The following ADCY7 variants were observed in gnomAD, a reference collection of about 807,000 sequenced individuals.
ADCY7 encodes the protein adenylate cyclase type 7.
Under a neutral mutation model 120.6 loss-of-function variants are expected in ADCY7, and 72 were observed. The observed-to-expected ratio is 0.60, with a 90% CI of 0.49 to 0.73. ADCY7 has a LOEUF of 0.73. Among genes scored for constraint, ADCY7 ranks in the 30% least tolerant of loss-of-function variants. The pLI is 0.00. For synonymous variants in ADCY7, 661 were observed against 628.0 expected (o/e 1.05, Z -0.78); for missense variants, 1,227 against 1,486.0 (o/e 0.83, Z 2.87).
chr16:50,308,303 C>T (rs566387873), intron 15 of ADCY7, 24 bp from the exon 16 acceptor site: 6 of 1,614,202 alleles, frequency 3.7e-6, no homozygotes, highest in South Asian at 2.2e-5. Context: ...CTAGGCAGAA[C>T]TGAGGTTCTT....
chr16:50,258,828 C>A (rs1434249567), intron 1 of ADCY7, among the ~76,000 whole-genome samples: 1 of 152,018 alleles, frequency 6.6e-6, no homozygotes, highest in African/African-American at 2.4e-5. Context: ...CTCAAGCGAT[C>A]CTCCTGATCT....
At chr16:50,249,344 G>A (rs1041822965) in intron 1 of ADCY7, among the ~76,000 whole-genome samples, 5 of 152,140 alleles carry the variant, frequency 3.3e-5, no homozygotes, top group African/African-American at 4.8e-5. Flanking sequence ...GGAGGCTGAG[G>A]CATGAGAATT....
chr16:50,275,139 G>A lies in ADCY7; in HGVS notation c.-269+8459G>A, dbSNP rs138979738. ...CTGAAAACTGCCTAGGGAGGGTGCT[G>A]TTGAGACCGTGAGCACCTGAGAGCC... On this transcript the variant is annotated intron_variant, in intron 1 of 25. Coordinates refer to ENST00000673801, the MANE Select transcript of ADCY7 (RefSeq NM_001114.5). Among the ~76,000 whole-genome samples the A allele has an allele frequency of 3.1e-3, 477 of 152,338 alleles. 1 individual carries two copies. The highest frequency in any genetic ancestry group is 0.011 in the African/African-American group (452 of 41,570).
At chr16:50,266,324 T>A (rs2033209224), upstream of ADCY7, among the ~76,000 whole-genome samples, 1 of 152,192 alleles carries the variant, frequency 6.6e-6, no homozygotes, top group Non-Finnish European at 1.5e-5. Context: ...TATTATTATT[T>A]TTTCAAAATT....
rs780661587 is a variant in ADCY7 at position 50,314,445 on chromosome 16, C to G, written c.2971+39C>G. ...ATGGAGCGGGGTGGGGAGCCCCTGCCTCTAGGCCAGTCCACCCAGTCTGTG... is the reference window on the plus strand; with the variant it reads ...ATGGAGCGGGGTGGGGAGCCCCTGCGTCTAGGCCAGTCCACCCAGTCTGTG... On this transcript the variant is annotated intron_variant, in intron 24 of 25. Transcript: ENST00000673801. 5.2e-6 allele frequency: 8 copies of G among 1,525,616 alleles called. No homozygotes were observed. In the East Asian group the frequency reaches 1.6e-4, roughly 30 times the overall value. 94.5% of individuals were successfully genotyped at this position (1,525,616 alleles called of 1,614,324 possible).
intron 8 of ADCY7, 126 bp downstream of exon 8, chr16:50,299,157 G>A (rs2035551161): frequency 7.6e-7 from 1 of 1,311,260 alleles, no homozygotes; most frequent in African/African-American, 1.5e-5. Context: ...GGGGGTGAAA[G>A]CAGCTTGCCT....
intron 1 of ADCY7, among the ~76,000 whole-genome samples, chr16:50,250,014 A>G (rs902249207): frequency 6.6e-6 from 1 of 152,182 alleles, no homozygotes; most frequent in African/African-American, 2.4e-5. Flanking sequence ...GTCCCAGCTC[A>G]ATGTTTGGTA....
At chr16:50,274,514 C>T (rs1567538665) in intron 1 of ADCY7, among the ~76,000 whole-genome samples, 2 of 152,216 alleles carry the variant, frequency 1.3e-5, no homozygotes, top group South Asian at 2.1e-4. Flanking sequence ...CGCGGTTTCA[C>T]GAGGCAGTCC....
At chr16:50,314,457 C>A (rs766343127) in intron 24 of ADCY7, 51 bp downstream of exon 24, 5 of 1,414,220 alleles carry the variant, frequency 3.5e-6, no homozygotes, top group South Asian at 1.2e-5. Flanking sequence ...CTAGGCCAGT[C>A]CACCCAGTCT....
At chr16:50,272,517 T>A (rs893569961) in intron 1 of ADCY7, among the ~76,000 whole-genome samples, 1 of 152,200 alleles carries the variant, frequency 6.6e-6, no homozygotes, top group Non-Finnish European at 1.5e-5. Context: ...ATGGGGAAAC[T>A]GAGGCCCTGG....
At chr16:50,245,324 C>T (rs1201798135), upstream of ADCY7, among the ~76,000 whole-genome samples, 1 of 152,186 alleles carries the variant, frequency 6.6e-6, no homozygotes, top group Non-Finnish European at 1.5e-5. Context: ...AGTGGGAACC[C>T]CCAATTCCTG....
chr16:50,249,398 C>T (rs139163678), intron 1 of ADCY7, among the ~76,000 whole-genome samples: 2 of 152,094 alleles, frequency 1.3e-5, no homozygotes, highest in Non-Finnish European at 2.9e-5. Context: ...CGAGTTAGCG[C>T]CACTGCACTC....
intron 4 of ADCY7, 24 bp downstream of exon 4, chr16:50,291,921 G>C (rs781348689): frequency 1.1e-5 from 17 of 1,583,718 alleles, no homozygotes; most frequent in Admixed American, 8.7e-5. Flanking sequence ...TAAGGCCTCT[G>C]GGGGAGGTTT....
chr16:50,256,335 C>G (rs746133106), intron 1 of ADCY7, among the ~76,000 whole-genome samples: 3 of 152,182 alleles, frequency 2.0e-5, no homozygotes, highest in Admixed American at 6.5e-5. Context: ...TTCAACATTA[C>G]TAATCATTAG....
chr16:50,309,751 C>G (rs2036328138), intron 18 of ADCY7, 105 bp downstream of exon 18: 1 of 1,004,672 alleles, frequency 1.0e-6, no homozygotes, highest in Admixed American at 2.6e-5. Flanking sequence ...CCTGAGAGCA[C>G]AGCATGTGGA....
In ADCY7 at chr16:50,301,158, C is replaced by T. The variant is rs752014179; in HGVS notation, c.1312C>T (p.Arg438Trp). The change falls in exon 10 of 26, where the codon CGG becomes TGG. Residue 438 changes from arginine to tryptophan, a missense_variant. Physicochemically the swap from Arg to Trp is moderately radical, Grantham distance 101. This residue lies in a region of ADCY7 where 332 missense variants were observed against 455.8 expected (regional missense o/e 0.73). Coordinates refer to ENST00000673801, the MANE Select transcript of ADCY7 (RefSeq NM_001114.5). ...GGTGGAGGATGGGCACGGGCAGCAG[C>T]GGGACCCCTACCTCAAGGAGATGAA... Reference protein sequence around the residue: ...YEVEDGHGQQRDPYLKEMNIR... With the variant: ...YEVEDGHGQQWDPYLKEMNIR... 1.1e-5 allele frequency: 18 copies of T among 1,613,154 alleles called. No individual in the cohort carries two copies. The highest frequency in any genetic ancestry group is 3.3e-5 in the South Asian group (3 of 90,928).
At chr16:50,302,024 G>T (rs76857089) in intron 10 of ADCY7, 21,377 of 152,706 alleles carry the variant, frequency 0.14, 1,904 homozygotes, top group South Asian at 0.25. Context: ...AACCCCTGCC[G>T]GTACCTGTGT....
intron 22 of ADCY7, chr16:50,313,317 G>A (rs1204768535): frequency 9.6e-6 from 3 of 313,148 alleles, no homozygotes; most frequent in Admixed American, 8.7e-5. Flanking sequence ...CTACTTGGGA[G>A]GCTGAGGCAG....
chr16:50,257,024 C>G (rs2032935504), intron 1 of ADCY7, among the ~76,000 whole-genome samples: 1 of 152,058 alleles, frequency 6.6e-6, no homozygotes, highest in South Asian at 2.1e-4. Context: ...GGACATTACA[C>G]TAAGTAAAAT....
Sources: allele counts gnomAD v4.1 joint callset (sites outside exome capture counted in the v4.1 genomes callset), GRCh38; gene constraint gnomAD v4.1.1; regional missense constraint gnomAD v4.1.1; transcripts MANE v1.5; gene names NCBI Gene and HGNC (gene_info 2026-07-23, HGNC 2026-07-21).